Variants in CCSER1 observed in about 807,000 individuals in gnomAD.
The protein encoded by CCSER1 is serine-rich coiled-coil domain-containing protein 1.
A neutral mutation model predicts 82.0 loss-of-function variants in CCSER1; 41 were observed. The ratio of observed to expected loss-of-function variants is 0.50; its 90% CI spans 0.39 to 0.65. CCSER1 has a LOEUF of 0.65. CCSER1 is among the 30% of genes least tolerant of loss of function. The pLI, the probability that CCSER1 is intolerant of heterozygous loss-of-function variation, is 0.00. For synonymous variants in CCSER1, 414 were observed against 383.9 expected (o/e 1.08, Z -0.92); for missense variants, 1,119 against 1,064.2 (o/e 1.05, Z -0.72).
chr4:91,271,890 G>A (rs1239187036), intron 10 of CCSER1, among the ~76,000 whole-genome samples: 3 of 152,066 alleles, frequency 2.0e-5, no homozygotes, highest in Non-Finnish European at 4.4e-5. Context: ...GAGTAGCCAG[G>A]ATTACAGGCA....
intron 1 of CCSER1, among the ~76,000 whole-genome samples, chr4:90,281,039 A>G (rs1021897883): frequency 2.0e-5 from 3 of 152,052 alleles, no homozygotes; most frequent in Non-Finnish European, 4.4e-5. Flanking sequence ...AAAGTATTTT[A>G]AACACAATGG....
chr4:90,398,203 A>G (rs909711717), intron 3 of CCSER1, among the ~76,000 whole-genome samples: 1 of 152,150 alleles, frequency 6.6e-6, no homozygotes, highest in Non-Finnish European at 1.5e-5. Context: ...TTCTTATAAG[A>G]ACACCAGTCC....
rs374162872 is a variant in CCSER1 at position 91,568,124 on chromosome 4, T to C, written c.2218-30448T>C. On this transcript the variant is annotated intron_variant, in intron 10 of 10. Coordinates refer to ENST00000509176, the MANE Select transcript of CCSER1 (RefSeq NM_001145065.2). ...TTAGGAAGCTTAGTTTGGCTGAGTA[T>C]AAAATTTTTGGTTGAAGATTTTCTT... Among the ~76,000 whole-genome samples, 19 of 152,278 alleles carry C rather than the reference T, an allele frequency of 1.2e-4. No homozygotes were observed. In the South Asian group the frequency reaches 2.5e-3, roughly 20 times the overall value.
chr4:90,494,734 A>G (rs934639613), intron 5 of CCSER1, among the ~76,000 whole-genome samples: 1 of 152,140 alleles, frequency 6.6e-6, no homozygotes, highest in Non-Finnish European at 1.5e-5. Flanking sequence ...TTTTGCAAAT[A>G]AAAGTTAAAA....
At chr4:90,540,353 G>T (rs1021262521) in intron 5 of CCSER1, among the ~76,000 whole-genome samples, 1 of 151,902 alleles carries the variant, frequency 6.6e-6, no homozygotes, top group African/African-American at 2.4e-5. Flanking sequence ...TGGATACAGA[G>T]AAATAAAACT....
At chr4:90,682,430 T>C (rs536214012) in intron 6 of CCSER1, among the ~76,000 whole-genome samples, 70 of 152,064 alleles carry the variant, frequency 4.6e-4, no homozygotes, top group Non-Finnish European at 8.5e-4. Context: ...TCCCCATGTC[T>C]TAATATTTTA....
At chr4:91,041,668 G>A (rs1434234955) in intron 9 of CCSER1, among the ~76,000 whole-genome samples, 1 of 152,112 alleles carries the variant, frequency 6.6e-6, no homozygotes, top group Non-Finnish European at 1.5e-5. Flanking sequence ...AAAAATGTAA[G>A]CACCTTCACA....
intron 9 of CCSER1, among the ~76,000 whole-genome samples, chr4:91,083,137 A>G (rs1190451201): frequency 6.6e-6 from 1 of 152,208 alleles, no homozygotes; most frequent in Non-Finnish European, 1.5e-5. Context: ...CACTATTCAC[A>G]ATAGCAAAGA....
At chr4:90,696,322 G>A (rs1736991382) in intron 6 of CCSER1, among the ~76,000 whole-genome samples, 1 of 151,988 alleles carries the variant, frequency 6.6e-6, no homozygotes, top group Admixed American at 6.6e-5. Flanking sequence ...TGTCATATAT[G>A]TATCAGTTTG....
intron 6 of CCSER1, among the ~76,000 whole-genome samples, chr4:90,690,375 A>G (rs1389056409): frequency 1.3e-5 from 2 of 151,894 alleles, no homozygotes; most frequent in African/African-American, 4.8e-5. Flanking sequence ...TTTGATTATC[A>G]TTTTTTCTTT....
At chr4:91,064,317 A>AGT in intron 9 of CCSER1, among the ~76,000 whole-genome samples, 1 of 152,306 alleles carries the variant, frequency 6.6e-6, no homozygotes, top group African/African-American at 2.4e-5. Context: ...AGGGCCTCTG[A>AGT]TAACTCAGAG....
intron 9 of CCSER1, among the ~76,000 whole-genome samples, chr4:91,052,070 T>TA (rs1561504764): frequency 1.3e-5 from 2 of 152,194 alleles, no homozygotes; most frequent in East Asian, 3.9e-4. Context: ...TTATTTGAAA[T>TA]AATTTTTTGA....
At chr4:91,292,978 C>T (rs962231444) in intron 10 of CCSER1, among the ~76,000 whole-genome samples, 2 of 151,950 alleles carry the variant, frequency 1.3e-5, no homozygotes, top group South Asian at 4.1e-4. Flanking sequence ...TATACGGTTC[C>T]TTCAGCAGTG....
chr4:91,105,415 A>C (rs761413090), intron 10 of CCSER1, among the ~76,000 whole-genome samples: 8,339 of 152,170 alleles, frequency 0.055, 339 homozygotes, highest in Non-Finnish European at 0.081. Flanking sequence ...ACAAAAAAAA[A>C]AAAAAATAGG....
chr4:91,032,734 C>T (rs950796713), intron 9 of CCSER1, among the ~76,000 whole-genome samples: 2 of 152,194 alleles, frequency 1.3e-5, no homozygotes, highest in Non-Finnish European at 2.9e-5. Flanking sequence ...GTTGTAGTTT[C>T]TAAGACTTTA....
intron 1 of CCSER1, among the ~76,000 whole-genome samples, chr4:90,287,642 A>G (rs1306436429): frequency 1.3e-5 from 2 of 151,848 alleles, no homozygotes; most frequent in African/African-American, 4.8e-5. Context: ...AAAATAAACT[A>G]ACATAGTAGA....
At chr4:90,968,234 A>G in intron 9 of CCSER1, among the ~76,000 whole-genome samples, 1 of 152,042 alleles carries the variant, frequency 6.6e-6, no homozygotes, top group Middle Eastern at 3.4e-3. Flanking sequence ...ATAATAAAAG[A>G]ACCAAAATAG....
intron 10 of CCSER1, among the ~76,000 whole-genome samples, chr4:91,467,135 A>G (rs1383324933): frequency 3.3e-5 from 5 of 152,186 alleles, no homozygotes; most frequent in Non-Finnish European, 7.4e-5. Context: ...CCAAAACAGC[A>G]TGGTACTGGT....
At chr4:90,458,042 A>G (rs533165615) in intron 4 of CCSER1, among the ~76,000 whole-genome samples, 3 of 152,114 alleles carry the variant, frequency 2.0e-5, no homozygotes, top group Non-Finnish European at 4.4e-5. Context: ...CTTTGTCACA[A>G]CTGTGCTCCA....
Sources: gnomAD v4.1 joint callset for allele counts (sites outside exome capture counted in the v4.1 genomes callset) on GRCh38, gnomAD v4.1.1 for gene constraint, MANE v1.5 for transcripts, NCBI Gene and HGNC (gene_info 2026-07-23, HGNC 2026-07-21) for gene names.